Variants in SLC24A4 observed in about 807,000 individuals in gnomAD.
SLC24A4 encodes the protein sodium/potassium/calcium exchanger 4.
Under a neutral mutation model 79.0 loss-of-function variants are expected in SLC24A4, and 53 were observed. The observed-to-expected ratio is 0.67, with a 90% CI of 0.54 to 0.84. SLC24A4 has a LOEUF of 0.84. Ranked by LOEUF, SLC24A4 falls within the 40% of genes least tolerant of loss-of-function variation. SLC24A4 has a pLI of 0.00. For missense variants in SLC24A4, 731 were observed against 822.0 expected, an observed-to-expected ratio of 0.89 and a Z score of 1.35; for synonymous variants, 323 against 323.8, an observed-to-expected ratio of 1.00 and a Z score of 0.03.
intron 2 of SLC24A4, among the ~76,000 whole-genome samples, chr14:92,429,020 A>G (rs879936071): frequency 1.2e-4 from 19 of 152,204 alleles, no homozygotes; most frequent in Non-Finnish European, 2.4e-4. Context: ...CCAGATAGGG[A>G]TGTGTTTCCA....
chr14:92,381,804 C>T (rs951659048), intron 2 of SLC24A4, among the ~76,000 whole-genome samples: 1 of 152,060 alleles, frequency 6.6e-6, no homozygotes, highest in African/African-American at 2.4e-5. Context: ...CCCCTCCTCT[C>T]CCATTATTGA....
intron 3 of SLC24A4, among the ~76,000 whole-genome samples, 162 bp from the exon 4 acceptor site, chr14:92,439,173 A>G (rs1892352394): frequency 6.6e-6 from 1 of 152,150 alleles, no homozygotes; most frequent in South Asian, 2.1e-4. Context: ...TTTGCCAATA[A>G]GGGGATTGAG....
chr14:92,382,623 G>C (rs948008144), intron 2 of SLC24A4, among the ~76,000 whole-genome samples: 3 of 152,154 alleles, frequency 2.0e-5, no homozygotes, highest in Non-Finnish European at 2.9e-5. Flanking sequence ...AAGGAAGAAA[G>C]GTCACTTGCC....
chr14:92,398,169 G>A lies in SLC24A4; in HGVS notation c.242-35743G>A, dbSNP rs947244904. Among the ~76,000 whole-genome samples, 3 of 152,338 alleles carry A rather than the reference G, an allele frequency of 2.0e-5. No individual in the cohort carries two copies. The East Asian group carries it at 5.8e-4, about 29-fold the overall frequency. On this transcript the variant is annotated intron_variant, in intron 2 of 16. Transcript: ENST00000532405. This position sits in a 1 kb window ranked among gnomAD's most constrained non-coding sequence, Gnocchi z 4.1. The stretch of plus-strand genomic sequence containing the variant: ...TTTTCATTTTTAAGATATGCCTGGT[G>A]TGTGCATGCCTAAGTTGGTTGAAAC...
At chr14:92,356,271 C>T (rs754229896) in intron 2 of SLC24A4, among the ~76,000 whole-genome samples, 2 of 152,162 alleles carry the variant, frequency 1.3e-5, no homozygotes, top group Non-Finnish European at 2.9e-5. Context: ...GTGTATTTAT[C>T]GAGATGTGAC....
At chr14:92,385,900 A>G (rs1321490110) in intron 2 of SLC24A4, among the ~76,000 whole-genome samples, 1 of 152,198 alleles carries the variant, frequency 6.6e-6, no homozygotes, top group African/African-American at 2.4e-5. Flanking sequence ...GGGAGAGGTA[A>G]GGTGAGTGGG....
chr14:92,424,453 T>C (rs1338643715), intron 2 of SLC24A4, among the ~76,000 whole-genome samples: 1 of 152,098 alleles, frequency 6.6e-6, no homozygotes, highest in African/African-American at 2.4e-5. Flanking sequence ...CTGCCTCTGG[T>C]GAGGGCTTCA....
Position 92,325,923 on chromosome 14 carries a change from A to G in SLC24A4, c.186A>G (p.Arg62=), listed in dbSNP as rs779656207. ...KRVLPDTWRN[R]KLMAPVNGTQ... is the part of the protein sequence containing the mutation. The stretch of plus-strand genomic sequence containing the variant: ...TCCTGCCAGACACGTGGAGAAATAG[A>G]AAGTTGATGGCCCCAGTGAATGGGA... The change falls in exon 2 of 17, where the codon AGA becomes AGG. Residue 62 remains arginine, a synonymous_variant. Coordinates refer to ENST00000532405, the MANE Select transcript of SLC24A4 (RefSeq NM_153646.4). 2.5e-6 allele frequency: 4 copies of G among 1,613,096 alleles called. No individual in the cohort carries two copies. The highest frequency in any genetic ancestry group is 1.3e-5 in the African/African-American group (1 of 74,928).
At chr14:92,358,619 C>G (rs1887315643) in intron 2 of SLC24A4, among the ~76,000 whole-genome samples, 2 of 152,042 alleles carry the variant, frequency 1.3e-5, no homozygotes, top group East Asian at 1.9e-4. Context: ...TCCTGCACCC[C>G]TCTCCATACC....
intron 2 of SLC24A4, among the ~76,000 whole-genome samples, chr14:92,340,743 G>A (rs1341619199): frequency 6.6e-6 from 1 of 152,080 alleles, no homozygotes; most frequent in Non-Finnish European, 1.5e-5. Flanking sequence ...ACCGAGAGGG[G>A]GCACGGATCC....
chr14:92,500,129 C>T lies in SLC24A4; in HGVS notation c.*6501C>T, dbSNP rs113365746. 6,898 of 152,240 alleles carry T rather than the reference C, an allele frequency of 0.045. 203 individuals carry two copies. The highest frequency in any genetic ancestry group is 0.065 in the Non-Finnish European group (4,448 of 68,054). The allele number at this position is 152,240 out of a possible 1,614,324, so 9.4% of individuals were successfully genotyped here. ...GCTGGATTACAAGCGTGAGCCACCG[C>T]GCCCCGCCAAGCAGTTGCTTCTTAT... On this transcript the variant is annotated 3_prime_UTR_variant, in exon 17 of 17. Transcript: ENST00000532405.
In SLC24A4 at chr14:92,374,061, C is replaced by T. The variant is rs77181971; in HGVS notation, c.241+48083C>T. 1.2e-3 allele frequency among the ~76,000 whole-genome samples: 185 copies of T among 152,328 alleles called. 1 individual carries two copies. Among genetic ancestry groups the T allele is most frequent in the African/African-American group, 4.2e-3 (174 of 41,568 alleles). ...ACCACCATATTGCATACTATTATTG[C>T]ACCCGTTTACCTTGGCAAGGGAGGC... On this transcript the variant is annotated intron_variant, in intron 2 of 16. Transcript: ENST00000532405.
Position 92,499,282 on chromosome 14 carries a change from G to A in SLC24A4, c.*5654G>A, listed in dbSNP as rs565727824. 1.3e-5 allele frequency: 2 copies of A among 152,296 alleles called. No homozygotes were observed. Among genetic ancestry groups the A allele is most frequent in the Non-Finnish European group, 2.9e-5 (2 of 68,034 alleles). 9.4% of individuals were successfully genotyped at this position (152,296 alleles called of 1,614,324 possible). A position where few individuals can be genotyped will look rare whatever the true frequency, so the allele number is the denominator to read the frequency against. On this transcript the variant is annotated 3_prime_UTR_variant, in exon 17 of 17. Coordinates refer to ENST00000532405, the MANE Select transcript of SLC24A4 (RefSeq NM_153646.4). ...AGGGCTGACAGTATACTCTCGTCTA[G>A]TCTAGGAACATGTCTGCTGCTGGGA...
chr14:92,351,566 G>C (rs946421767), intron 2 of SLC24A4, among the ~76,000 whole-genome samples: 1 of 152,190 alleles, frequency 6.6e-6, no homozygotes, highest in African/African-American at 2.4e-5. Context: ...TACTTGAAAG[G>C]TGCAGGCAGG....
intron 12 of SLC24A4, among the ~76,000 whole-genome samples, chr14:92,461,825 C>T (rs2402149): frequency 2.0e-3 from 305 of 152,172 alleles, no homozygotes; most frequent in Non-Finnish European, 3.3e-3. Flanking sequence ...TGCCACAGAA[C>T]GAGGTAGGAA....
intron 2 of SLC24A4, among the ~76,000 whole-genome samples, chr14:92,392,116 A>T (rs576990151): frequency 6.6e-6 from 1 of 151,616 alleles, no homozygotes; most frequent in Non-Finnish European, 1.5e-5. Context: ...CCGGGGCCCT[A>T]TTGATGTTAC....
At chr14:92,465,038 T>C (rs1412505792) in intron 12 of SLC24A4, among the ~76,000 whole-genome samples, 1 of 152,180 alleles carries the variant, frequency 6.6e-6, no homozygotes, top group Non-Finnish European at 1.5e-5. Context: ...CCCTGCTGGG[T>C]AGCTGGTATT....
chr14:92,338,606 G>A (rs1566695302), intron 2 of SLC24A4, among the ~76,000 whole-genome samples: 1 of 152,204 alleles, frequency 6.6e-6, no homozygotes, highest in Admixed American at 6.5e-5. Context: ...CACTACAAAT[G>A]TCTGACTTTG....
At chr14:92,417,031 C>T (rs1264407419) in intron 2 of SLC24A4, among the ~76,000 whole-genome samples, 2 of 152,192 alleles carry the variant, frequency 1.3e-5, no homozygotes, top group Non-Finnish European at 2.9e-5. Context: ...CCTGGAAATA[C>T]ATTAAGCCTG....
Sources: gnomAD v4.1 joint callset for allele counts (sites outside exome capture counted in the v4.1 genomes callset) on GRCh38, gnomAD v4.1.1 for gene constraint, Gnocchi (gnomAD v3.1) non-coding constraint, MANE v1.5 for transcripts, NCBI Gene and HGNC (gene_info 2026-07-23, HGNC 2026-07-21) for gene names.